Variants in ADNP observed in about 807,000 individuals in gnomAD.
ADNP encodes activity-dependent neuroprotector homeobox protein.
A neutral mutation model predicts 84.9 loss-of-function variants in ADNP; 4 were observed. The ratio of observed to expected loss-of-function variants is 0.05; its 90% confidence interval spans 0.02 to 0.11. The LOEUF (loss-of-function observed/expected upper bound fraction) is 0.11, where lower values mean the gene tolerates loss of function less well. Ranked by LOEUF, ADNP falls within the 10% of genes least tolerant of loss-of-function variation. The probability of loss-of-function intolerance (pLI) is 1.00; values close to 1 mark genes in which losing one functional copy is unlikely to be tolerated. For missense variants in ADNP, 1,132 were observed against 1,326.0 expected (o/e 0.85, Z 2.27); for synonymous variants, 554 against 468.1 (o/e 1.18, Z -2.37).
At chr20:50,927,712 G>C (rs979733880) in intron 2 of ADNP, among the ~76,000 whole-genome samples, 1 of 152,064 alleles carries the variant, frequency 6.6e-6, no homozygotes, top group Non-Finnish European at 1.5e-5. Context: ...TATTTTTTGA[G>C]TGTTAAAACC....
chr20:50,914,500 CA>C (rs1349100849), intron 2 of ADNP: 2 of 325,796 alleles, frequency 6.1e-6, no homozygotes, highest in East Asian at 1.4e-4. Flanking sequence ...AATGTTTTCT[CA>C]CCTTCAAAGT....
At chr20:50,926,603 C>G (rs1475227430) in intron 2 of ADNP, among the ~76,000 whole-genome samples, 3 of 152,158 alleles carry the variant, frequency 2.0e-5, no homozygotes, top group African/African-American at 7.2e-5. Context: ...TTTCCCCAAA[C>G]TACACGTGAT....
chr20:50,926,114 A>C (rs74343810), intron 2 of ADNP, among the ~76,000 whole-genome samples: 1 of 152,292 alleles, frequency 6.6e-6, no homozygotes, highest in African/African-American at 2.4e-5. Context: ...ACAAACAAAC[A>C]ACACACAAAA....
intron 5 of ADNP, among the ~76,000 whole-genome samples, chr20:50,901,326 A>T (rs1409707125): frequency 1.6e-5 from 2 of 124,800 alleles, no homozygotes; most frequent in Non-Finnish European, 3.5e-5. Flanking sequence ...GTATTTAAAA[A>T]AAAAAAAAAA....
intron 2 of ADNP, among the ~76,000 whole-genome samples, chr20:50,918,426 C>T (rs1336803420): frequency 2.0e-5 from 3 of 152,064 alleles, no homozygotes; most frequent in African/African-American, 7.2e-5. Context: ...ATTTTTGACA[C>T]TATAATCATT....
chr20:50,889,849 T>C lies in ADNP; in HGVS notation c.*1556A>G, dbSNP rs1236992524. ...TACAGCCCTGTCAGTGCTGTGCTCTTCAAAGCCTTTCCCTTAATAGCAAGA... is the reference window on the plus strand; with the variant it reads ...TACAGCCCTGTCAGTGCTGTGCTCTCCAAAGCCTTTCCCTTAATAGCAAGA... On this transcript the variant is annotated 3_prime_UTR_variant, in exon 6 of 6. Coordinates refer to ENST00000621696, the MANE Select transcript of ADNP (RefSeq NM_001282531.3). 2.5e-6 allele frequency: 1 copy of C among 398,426 alleles called. No individual in the cohort carries two copies. 24.7% of individuals were successfully genotyped at this position (398,426 alleles called of 1,614,324 possible).
At chr20:50,917,919 A>G (rs1398602562) in intron 2 of ADNP, among the ~76,000 whole-genome samples, 3 of 152,228 alleles carry the variant, frequency 2.0e-5, no homozygotes, top group African/African-American at 4.8e-5. Flanking sequence ...TGAACCTTGA[A>G]AACATTATAC....
At chr20:50,918,984 GTTTT>G (rs929773454) in intron 2 of ADNP, among the ~76,000 whole-genome samples, 1 of 152,020 alleles carries the variant, frequency 6.6e-6, no homozygotes, top group African/African-American at 2.4e-5. Flanking sequence ...TGACTTAAAA[GTTTT>G]ATTTATTTTA....
At chr20:50,898,700 T>A (rs1981658758) in intron 5 of ADNP, among the ~76,000 whole-genome samples, 1 of 152,132 alleles carries the variant, frequency 6.6e-6, no homozygotes, top group African/African-American at 2.4e-5. Context: ...TTTGTATGCT[T>A]AGGGGCCATG....
In ADNP at chr20:50,889,952, C is replaced by A; in HGVS notation, c.*1453G>T. On this transcript the variant is annotated 3_prime_UTR_variant, in exon 6 of 6. Coordinates refer to ENST00000621696, the MANE Select transcript of ADNP (RefSeq NM_001282531.3). Reference sequence around the variant, plus strand: ...TCGTAAGGTGAAAACGAACGTTTAACTTCATCTAGAAGAAAAAACAAACAA... The same window carrying A: ...TCGTAAGGTGAAAACGAACGTTTAAATTCATCTAGAAGAAAAAACAAACAA... 2.7e-6 allele frequency: 1 copy of A among 374,242 alleles called. No individual in the cohort carries two copies. Among genetic ancestry groups the A allele is most frequent in the Non-Finnish European group, 4.5e-6 (1 of 222,304 alleles). The allele number at this position is 374,242 out of a possible 1,614,324, so 23.2% of individuals were successfully genotyped here.
In ADNP at chr20:50,893,536, G is replaced by T. The variant is rs780570815; in HGVS notation, c.1178C>A (p.Ser393Tyr). ...AGAAGAGGCATTAGCAGACTGCAGG[G>T]AGTATCTTGCTGGTGCCTGGGACCT... Reference protein sequence around the residue: ...EQRSQAPARYSLQSANASSLS... With the variant: ...EQRSQAPARYYLQSANASSLS... Residue 393 changes from serine to tyrosine, a missense_variant, in exon 6 of 6, where the codon TCC becomes TAC. Physicochemically the swap from Ser to Tyr is moderately radical, Grantham distance 144. This residue lies in a region of ADNP where 239 missense variants were observed against 213.2 expected (regional missense o/e 1.12). Coordinates refer to ENST00000621696, the MANE Select transcript of ADNP (RefSeq NM_001282531.3). The surrounding 1 kb of genome is among the most constrained non-coding windows in gnomAD (Gnocchi z 4.4). The T allele has an allele frequency of 1.9e-6, 3 of 1,613,814 alleles. No homozygotes were observed. The highest frequency in any genetic ancestry group is 2.5e-6 in the Non-Finnish European group (3 of 1,180,028).
At chr20:50,922,197 T>C (rs1983999803) in intron 2 of ADNP, among the ~76,000 whole-genome samples, 1 of 152,078 alleles carries the variant, frequency 6.6e-6, no homozygotes, top group African/African-American at 2.4e-5. Flanking sequence ...TGTAGGGTTT[T>C]TTCCCAAGCA....
At chr20:50,924,793 T>G (rs551155612) in intron 2 of ADNP, among the ~76,000 whole-genome samples, 2 of 152,170 alleles carry the variant, frequency 1.3e-5, no homozygotes, top group Non-Finnish European at 2.9e-5. Flanking sequence ...GAAGAGGGTA[T>G]TAGGATATGC....
chr20:50,895,015 C>G (rs1336923733), intron 5 of ADNP, among the ~76,000 whole-genome samples: 1 of 151,980 alleles, frequency 6.6e-6, no homozygotes, highest in Non-Finnish European at 1.5e-5. Flanking sequence ...TAAAAAAATG[C>G]TAAGTTCTTT....
chr20:50,925,613 G>A (rs1042435765), intron 2 of ADNP, among the ~76,000 whole-genome samples: 2 of 152,226 alleles, frequency 1.3e-5, no homozygotes, highest in Non-Finnish European at 2.9e-5. Context: ...AATCAAGGTG[G>A]AAAGTGCCAA....
intron 5 of ADNP, among the ~76,000 whole-genome samples, chr20:50,895,883 T>A (rs979489914): frequency 6.6e-6 from 1 of 152,200 alleles, no homozygotes; most frequent in Non-Finnish European, 1.5e-5. Context: ...TTATACACTT[T>A]TAAATTTTTA....
chr20:50,924,040 C>T (rs993051222), intron 2 of ADNP, among the ~76,000 whole-genome samples: 86 of 152,160 alleles, frequency 5.7e-4, no homozygotes, highest in African/African-American at 2.0e-3. Flanking sequence ...CATGAGCTTC[C>T]ACCAGAAGAG....
chr20:50,896,943 T>C (rs533618950), intron 5 of ADNP, among the ~76,000 whole-genome samples: 3 of 152,288 alleles, frequency 2.0e-5, no homozygotes, highest in Non-Finnish European at 4.4e-5. Flanking sequence ...TTCAAACTTT[T>C]TTGTTGTTGT....
Position 50,891,413 on chromosome 20 carries a change from G to A in ADNP, c.3301C>T (p.Gln1101Ter). The A allele has an allele frequency of 6.2e-7, 1 of 1,603,662 alleles. No individual in the cohort carries two copies. Among genetic ancestry groups the A allele is most frequent in the Non-Finnish European group, 8.5e-7 (1 of 1,175,878 alleles). Residue 1101 changes from glutamine (Q) to a stop codon, truncating the protein, a stop_gained, in exon 6 of 6, where the codon CAG becomes TAG. Coordinates refer to ENST00000621696, the MANE Select transcript of ADNP (RefSeq NM_001282531.3). LOFTEE classifies it high-confidence loss of function. ...SLAGVKLSSQQA is the reference protein window; with the variant it reads ...SLAGVKLSSQ The stretch of plus-strand genomic sequence containing the variant: ...GCCAGGGAACCTGGCACTTAGGCCT[G>A]TTGGCTGCTCAGTTTAACTCCGGCT...
Sources: gnomAD v4.1 joint callset for allele counts (sites outside exome capture counted in the v4.1 genomes callset) on GRCh38, gnomAD v4.1.1 for gene constraint, gnomAD v4.1.1 regional missense constraint, Gnocchi (gnomAD v3.1) non-coding constraint, MANE v1.5 for transcripts, NCBI Gene and HGNC (gene_info 2026-07-23, HGNC 2026-07-21) for gene names.